SOX6: variants seen among roughly 807,000 people sequenced by gnomAD.
SOX6 encodes transcription factor SOX-6.
A neutral mutation model predicts 97.8 loss-of-function variants in SOX6; 11 were observed. That is an observed-to-expected ratio of 0.11 (90% confidence interval 0.07 to 0.19). The LOEUF (loss-of-function observed/expected upper bound fraction) is 0.19, where lower values mean the gene tolerates loss of function less well. Among genes scored for constraint, SOX6 ranks in the 10% least tolerant of loss-of-function variants. The probability of loss-of-function intolerance (pLI) is 1.00; values close to 1 mark genes in which losing one functional copy is unlikely to be tolerated. For missense variants in SOX6, 810 were observed against 1,039.5 expected, an observed-to-expected ratio of 0.78 and a Z score of 3.04; for synonymous variants, 360 against 371.4, an observed-to-expected ratio of 0.97 and a Z score of 0.35.
chr11:16,398,250 T>G (rs1858421198), intron 1 of SOX6, among the ~76,000 whole-genome samples: 1 of 151,540 alleles, frequency 6.6e-6, no homozygotes, highest in Non-Finnish European at 1.5e-5. Context: ...GAATTCAGAA[T>G]AAAAGTATGT....
At chr11:16,521,016 C>A (rs1861049696) in intron 4 of SOX6, among the ~76,000 whole-genome samples, 1 of 152,188 alleles carries the variant, frequency 6.6e-6, no homozygotes, top group South Asian at 2.1e-4. Flanking sequence ...CTCAAGGAGG[C>A]CTCCCTGCCT....
chr11:16,716,461 T>C (rs1464789529), intron 2 of SOX6, among the ~76,000 whole-genome samples: 1 of 152,218 alleles, frequency 6.6e-6, no homozygotes, highest in East Asian at 1.9e-4. Context: ...ACATGCTTCA[T>C]ATTAGTGATC....
intron 1 of SOX6, among the ~76,000 whole-genome samples, chr11:16,389,383 C>T (rs747693602): frequency 6.6e-6 from 1 of 152,182 alleles, no homozygotes; most frequent in Non-Finnish European, 1.5e-5. Flanking sequence ...CCATGCCTGG[C>T]CTCTCTGTTC....
At chr11:16,539,117 AAACT>A (rs1335744281) in intron 4 of SOX6, among the ~76,000 whole-genome samples, 2 of 152,220 alleles carry the variant, frequency 1.3e-5, no homozygotes, top group Non-Finnish European at 2.9e-5. Flanking sequence ...AAATCACAAC[AAACT>A]GTCTCTCAGA....
intron 3 of SOX6, among the ~76,000 whole-genome samples, chr11:16,645,820 G>A (rs1337338399): frequency 6.6e-6 from 1 of 152,112 alleles, no homozygotes; most frequent in African/African-American, 2.4e-5. Context: ...CTCTAGAACT[G>A]TGAGAATAAA....
chr11:16,445,005 T>C (rs1859584463), intron 1 of SOX6, among the ~76,000 whole-genome samples: 1 of 152,310 alleles, frequency 6.6e-6, no homozygotes, highest in African/African-American at 2.4e-5. Flanking sequence ...GCTCAATTTT[T>C]TTCTGTACTT....
At chr11:16,644,821 A>C (rs1461206206) in intron 3 of SOX6, among the ~76,000 whole-genome samples, 1 of 152,160 alleles carries the variant, frequency 6.6e-6, no homozygotes, top group Admixed American at 6.5e-5. Context: ...TCTAAATTTT[A>C]TTCACTTGGT....
At chr11:16,433,757 C>T (rs1362869984) in intron 1 of SOX6, among the ~76,000 whole-genome samples, 2 of 151,950 alleles carry the variant, frequency 1.3e-5, no homozygotes, top group Non-Finnish European at 2.9e-5. Flanking sequence ...AATAATTAAG[C>T]AATATGAGCA....
intron 9 of SOX6, 114 bp from the exon 10 acceptor site, chr11:16,056,015 T>C: frequency 8.1e-7 from 1 of 1,237,772 alleles, no homozygotes; most frequent in South Asian, 1.3e-5. Flanking sequence ...AATTTCTTTT[T>C]CACTATTTTT....
At chr11:16,302,885 C>A (rs1001389530) in intron 3 of SOX6, among the ~76,000 whole-genome samples, 3 of 151,962 alleles carry the variant, frequency 2.0e-5, no homozygotes, top group Non-Finnish European at 4.4e-5. Flanking sequence ...CAGTACCCAG[C>A]CAACACAGCA....
At chr11:16,699,843 A>G (rs1848080149) in intron 3 of SOX6, among the ~76,000 whole-genome samples, 1 of 152,172 alleles carries the variant, frequency 6.6e-6, no homozygotes, top group African/African-American at 2.4e-5. Flanking sequence ...TCTTTGTCAC[A>G]CAGAATGCAA....
chr11:16,146,497 C>T (rs1850302015), intron 6 of SOX6, among the ~76,000 whole-genome samples: 1 of 152,136 alleles, frequency 6.6e-6, no homozygotes, highest in African/African-American at 2.4e-5. Flanking sequence ...TCAAAATTGA[C>T]AAATGGGATC....
intron 6 of SOX6, among the ~76,000 whole-genome samples, chr11:16,162,629 A>AT (rs781617254): frequency 6.6e-6 from 1 of 152,258 alleles, no homozygotes; most frequent in Non-Finnish European, 1.5e-5. Context: ...CTGAGGCTTC[A>AT]TAAAAAGCCA....
chr11:15,986,372 T>G lies in SOX6; in HGVS notation c.2015A>C (p.Glu672Ala). 1 of 1,614,116 alleles carries G rather than the reference T, an allele frequency of 6.2e-7. No individual in the cohort carries two copies. The highest frequency in any genetic ancestry group is 1.3e-5 in the African/African-American group (1 of 75,020). Residue 672 changes from glutamate to alanine, a missense_variant, in exon 15 of 16, where the codon GAA becomes GCA. By Grantham distance (107) the Glu-to-Ala change is moderately radical. Around this residue, in one of 9 missense-constraint regions of SOX6, gnomAD observed 51 missense variants for 145.7 expected, o/e 0.35. Coordinates refer to ENST00000683767, the MANE Select transcript of SOX6 (RefSeq NM_001367873.1). The stretch of plus-strand genomic sequence containing the variant: ...GATCTTGCTTAGCCGGGCCTGCTCT[T>G]CATAATAAGGTTGCTTCTCCTGGTT... ...MSNQEKQPYY[E>A]EQARLSKIHL...
At chr11:15,995,716 A>C (rs977804664) in intron 13 of SOX6, among the ~76,000 whole-genome samples, 1 of 152,152 alleles carries the variant, frequency 6.6e-6, no homozygotes, top group Non-Finnish European at 1.5e-5. Flanking sequence ...AACCAAAGAC[A>C]AAGAGAAAAT....
chr11:16,279,065 G>T (rs1854480989), intron 3 of SOX6, among the ~76,000 whole-genome samples: 2 of 152,134 alleles, frequency 1.3e-5, no homozygotes, highest in South Asian at 4.1e-4. Context: ...CAACGAAACT[G>T]CAGGACTCTT....
At chr11:16,003,009 C>A (rs941517704) in intron 13 of SOX6, among the ~76,000 whole-genome samples, 6 of 152,146 alleles carry the variant, frequency 3.9e-5, no homozygotes, top group South Asian at 2.1e-4. Context: ...AATCCTTTAA[C>A]CTCCACTTAA....
At chr11:16,164,213 C>T (rs546024216) in intron 6 of SOX6, among the ~76,000 whole-genome samples, 3 of 152,170 alleles carry the variant, frequency 2.0e-5, no homozygotes, top group South Asian at 2.1e-4. Flanking sequence ...AAGCAATCTT[C>T]CTGCCTTCAC....
intron 4 of SOX6, among the ~76,000 whole-genome samples, chr11:16,207,696 A>G (rs763355356): frequency 2.6e-5 from 4 of 152,156 alleles, no homozygotes; most frequent in Non-Finnish European, 5.9e-5. Flanking sequence ...GAACAAAATA[A>G]ACAAAAATTT....
Sources: allele counts gnomAD v4.1 joint callset (sites outside exome capture counted in the v4.1 genomes callset), GRCh38; gene constraint gnomAD v4.1.1; regional missense constraint gnomAD v4.1.1; transcripts MANE v1.5; gene names NCBI Gene and HGNC (gene_info 2026-07-23, HGNC 2026-07-21).